The following ENTREP2 variants were observed in gnomAD, a reference collection of about 807,000 sequenced individuals.
The protein encoded by ENTREP2 is protein ENTREP2.
At chr15:29,428,396 G>T in the ENTREP2 span, among the ~76,000 whole-genome samples, 3 of 151,922 alleles carry the variant, frequency 2.0e-5, no homozygotes, top group Non-Finnish European at 4.4e-5. Context: ...TGGATTTTTA[G>T]CAGAGATGGG....
the ENTREP2 span, chr15:29,268,554 T>A: frequency 6.0e-5 from 27 of 448,734 alleles, no homozygotes; most frequent in East Asian, 2.3e-4. Context: ...GCTAGCAAAA[T>A]TTTTTATACC....
the ENTREP2 span, among the ~76,000 whole-genome samples, chr15:29,612,137 G>A: frequency 2.0e-5 from 3 of 152,122 alleles, no homozygotes; most frequent in East Asian, 1.9e-4. Context: ...GCTTTGCATT[G>A]TTGACCATTG....
At chr15:29,588,700 G>A in the ENTREP2 span, among the ~76,000 whole-genome samples, 1 of 151,942 alleles carries the variant, frequency 6.6e-6, no homozygotes, top group Admixed American at 6.6e-5. Context: ...ATTTTTAATG[G>A]ACAAGACTAA....
the ENTREP2 span, among the ~76,000 whole-genome samples, chr15:29,131,494 T>C: frequency 6.7e-6 from 1 of 148,152 alleles, no homozygotes; most frequent in African/African-American, 2.5e-5. Flanking sequence ...TCTGCCCAAA[T>C]GATTTCAGCC....
the ENTREP2 span, among the ~76,000 whole-genome samples, chr15:29,558,338 C>A: frequency 6.6e-6 from 1 of 152,062 alleles, no homozygotes; most frequent in South Asian, 2.1e-4. Context: ...CCCACTCCAG[C>A]ATCCTAGCCC....
chr15:29,289,240 C>T, the ENTREP2 span, among the ~76,000 whole-genome samples: 655 of 151,304 alleles, frequency 4.3e-3, 3 homozygotes, highest in African/African-American at 0.015. Flanking sequence ...AAGAAAAATG[C>T]ACATAACACA....
the ENTREP2 span, among the ~76,000 whole-genome samples, chr15:29,467,655 T>G: frequency 6.6e-6 from 1 of 152,010 alleles, no homozygotes; most frequent in Non-Finnish European, 1.5e-5. Context: ...AACTACCACA[T>G]CCCCCTGCTT....
At chr15:29,647,808 T>C in the ENTREP2 span, among the ~76,000 whole-genome samples, 1 of 152,050 alleles carries the variant, frequency 6.6e-6, no homozygotes, top group Non-Finnish European at 1.5e-5. Flanking sequence ...TGGCTACATA[T>C]GATAAAGCCT....
chr15:29,317,847 C>T, the ENTREP2 span, among the ~76,000 whole-genome samples: 2 of 152,154 alleles, frequency 1.3e-5, no homozygotes, highest in Admixed American at 6.5e-5. Context: ...ATTCTCAGCA[C>T]TGACCCACAG....
At chr15:29,159,778 G>C in the ENTREP2 span, among the ~76,000 whole-genome samples, 1 of 152,210 alleles carries the variant, frequency 6.6e-6, no homozygotes, top group African/African-American at 2.4e-5. Flanking sequence ...CCTTGAGCTA[G>C]ACACAGAGTG....
the ENTREP2 span, among the ~76,000 whole-genome samples, chr15:29,608,664 T>G: frequency 7.0e-4 from 106 of 151,876 alleles, no homozygotes; most frequent in Middle Eastern, 3.4e-3. Context: ...GCCTCCCAGG[T>G]TCGCCCATTC....
chr15:29,624,333 G>A, the ENTREP2 span, among the ~76,000 whole-genome samples: 5,829 of 151,104 alleles, frequency 0.039, 158 homozygotes, highest in East Asian at 0.098. Flanking sequence ...ATGCACGTGC[G>A]CACACACACA....
At chr15:29,287,761 T>C in the ENTREP2 span, among the ~76,000 whole-genome samples, 1 of 152,206 alleles carries the variant, frequency 6.6e-6, no homozygotes, top group Admixed American at 6.5e-5. Context: ...ACCAATTTAC[T>C]AAAAAGCTCA....
At chr15:29,637,380 T>C in the ENTREP2 span, among the ~76,000 whole-genome samples, 6 of 152,192 alleles carry the variant, frequency 3.9e-5, no homozygotes, top group African/African-American at 9.7e-5. Context: ...TGGGGACATA[T>C]GCAGTGAGCA....
At chr15:29,651,643 A>T in the ENTREP2 span, among the ~76,000 whole-genome samples, 1 of 152,210 alleles carries the variant, frequency 6.6e-6, no homozygotes, top group Non-Finnish European at 1.5e-5. Context: ...TTCCCAGCTC[A>T]GCACCCTCTC....
the ENTREP2 span, chr15:29,269,185 G>T: frequency 1.9e-6 from 3 of 1,613,994 alleles, no homozygotes; most frequent in Non-Finnish European, 2.5e-6. Flanking sequence ...GCCCGTAGTG[G>T]GCGTGCCTTG....
the ENTREP2 span, chr15:29,381,797 C>T: frequency 1.9e-6 from 3 of 1,551,454 alleles, no homozygotes; most frequent in Non-Finnish European, 1.7e-6. Flanking sequence ...AGGCCTCTTC[C>T]AGGAGACGAC....
At chr15:29,621,075 C>A in the ENTREP2 span, among the ~76,000 whole-genome samples, 1 of 152,046 alleles carries the variant, frequency 6.6e-6, no homozygotes, top group Non-Finnish European at 1.5e-5. Flanking sequence ...ATGGCGCTGG[C>A]AGTAGTTGCT....
At chr15:29,341,299 C>A in the ENTREP2 span, among the ~76,000 whole-genome samples, 1 of 152,214 alleles carries the variant, frequency 6.6e-6, no homozygotes, top group African/African-American at 2.4e-5. Flanking sequence ...TTGTTCACTG[C>A]CCATTCATTC....
Sources: allele counts gnomAD v4.1 joint callset (sites outside exome capture counted in the v4.1 genomes callset), GRCh38; gene constraint gnomAD v4.1.1; transcripts MANE v1.5; gene names NCBI Gene and HGNC (gene_info 2026-07-23, HGNC 2026-07-21).